HNRNPC: variants seen among roughly 807,000 people sequenced by gnomAD.
HNRNPC encodes heterogeneous nuclear ribonucleoproteins C1/C2.
In HNRNPC, 3 loss-of-function variants were observed where a neutral mutation model predicts 33.2. That is an observed-to-expected ratio of 0.09 (90% CI 0.04 to 0.23). The LOEUF is 0.23. Among genes scored for constraint, HNRNPC ranks in the 10% least tolerant of loss-of-function variants. HNRNPC has a pLI of 1.00. For missense variants in HNRNPC, 143 were observed against 366.7 expected, an observed-to-expected ratio of 0.39 and a Z score of 4.98; for synonymous variants, 121 against 126.7, an observed-to-expected ratio of 0.96 and a Z score of 0.30.
At chr14:21,260,504 C>T (rs182678218) in intron 2 of HNRNPC, among the ~76,000 whole-genome samples, 8 of 151,858 alleles carry the variant, frequency 5.3e-5, no homozygotes, top group African/African-American at 1.9e-4. Context: ...ACCATTTCTG[C>T]ATGCTTTCTT....
chr14:21,227,385 T>C (rs568474304), intron 5 of HNRNPC, among the ~76,000 whole-genome samples: 16 of 152,342 alleles, frequency 1.1e-4, no homozygotes, highest in African/African-American at 3.1e-4. Context: ...TATTACCTAG[T>C]TGCTCCACTA....
chr14:21,219,142 A>G (rs74514853), intron 5 of HNRNPC, among the ~76,000 whole-genome samples: 19,647 of 150,942 alleles, frequency 0.13, 1,737 homozygotes, highest in South Asian at 0.23. Context: ...AAGAAAGGGG[A>G]AAAAAAATTA....
chr14:21,232,246 G>C (rs934847281), intron 3 of HNRNPC, among the ~76,000 whole-genome samples: 1 of 152,092 alleles, frequency 6.6e-6, no homozygotes, highest in Admixed American at 6.5e-5. Flanking sequence ...TACCTTCCCA[G>C]TCATGCTACA....
At chr14:21,240,790 C>A (rs1895248422) in intron 2 of HNRNPC, among the ~76,000 whole-genome samples, 1 of 152,174 alleles carries the variant, frequency 6.6e-6, no homozygotes, top group East Asian at 1.9e-4. Flanking sequence ...CTGGCCACCT[C>A]TCCACATGGG....
intron 2 of HNRNPC, among the ~76,000 whole-genome samples, chr14:21,238,699 G>A (rs182214016): frequency 5.5e-4 from 83 of 151,920 alleles, no homozygotes; most frequent in African/African-American, 1.7e-3. Context: ...TAGTTGAAGG[G>A]GTCTAGAATT....
intron 5 of HNRNPC, among the ~76,000 whole-genome samples, chr14:21,217,052 TAGG>T (rs1457850926): frequency 6.6e-6 from 1 of 152,170 alleles, no homozygotes; most frequent in Non-Finnish European, 1.5e-5. Flanking sequence ...TGAACACAAT[TAGG>T]AGTCAAATTC....
chr14:21,216,068 C>CA (rs1285101046), intron 5 of HNRNPC, among the ~76,000 whole-genome samples: 3 of 145,142 alleles, frequency 2.1e-5, no homozygotes, highest in Non-Finnish European at 4.5e-5. Flanking sequence ...TGCAGACAGC[C>CA]ATTGCACTCC....
intron 2 of HNRNPC, among the ~76,000 whole-genome samples, chr14:21,252,941 C>T (rs923948341): frequency 3.3e-5 from 5 of 151,976 alleles, no homozygotes; most frequent in African/African-American, 9.7e-5. Flanking sequence ...TTTGGGAGGC[C>T]GAGGCCGGCA....
chr14:21,256,219 G>A (rs554810760), intron 2 of HNRNPC, among the ~76,000 whole-genome samples: 12 of 152,226 alleles, frequency 7.9e-5, no homozygotes, highest in Admixed American at 2.6e-4. Context: ...AGGCAGAGAC[G>A]GGCAGATCAC....
intron 2 of HNRNPC, among the ~76,000 whole-genome samples, chr14:21,240,129 T>A (rs1024170213): frequency 6.6e-6 from 1 of 152,114 alleles, no homozygotes; most frequent in Non-Finnish European, 1.5e-5. Flanking sequence ...ATATGCTCTA[T>A]CCTGAAGCAA....
chr14:21,251,058 G>A (rs779020340), intron 2 of HNRNPC, among the ~76,000 whole-genome samples: 3 of 151,738 alleles, frequency 2.0e-5, no homozygotes, highest in Non-Finnish European at 4.4e-5. Context: ...TCAGGAGATC[G>A]AGACCGTCCT....
At position 21,249,448 on chromosome 14, in the gene HNRNPC, G is replaced by A. The variant is rs1161521981; in HGVS notation, c.-37+13863C>T. Among the ~76,000 whole-genome samples, 3 of 151,568 alleles carry A rather than the reference G, an allele frequency of 2.0e-5. No homozygotes were observed. In the South Asian group the frequency reaches 6.2e-4, roughly 32 times the overall value. ...AAAAAAAAAAAAAAATTAGCCAGGT[G>A]TGGTGGCACGTGCCTGTAATCCCAG... On this transcript the variant is annotated intron_variant, in intron 2 of 8. Coordinates refer to ENST00000553300, the MANE Select transcript of HNRNPC (RefSeq NM_004500.4).
Position 21,251,036 on chromosome 14 carries a change from T to C in HNRNPC, c.-37+12275A>G, listed in dbSNP as rs1025438953. Among the ~76,000 whole-genome samples the C allele has an allele frequency of 6.6e-5, 10 of 151,368 alleles. No individual in the cohort carries two copies. The East Asian group carries it at 1.2e-3, about 18-fold the overall frequency. On this transcript the variant is annotated intron_variant, in intron 2 of 8. Coordinates refer to ENST00000553300, the MANE Select transcript of HNRNPC (RefSeq NM_004500.4). Reference sequence around the variant, plus strand: ...CAGCACTCTGGGAGGCCGAGGCGGGTAGATCACGAGGTCAGGAGATCGAGA... The same window carrying C: ...CAGCACTCTGGGAGGCCGAGGCGGGCAGATCACGAGGTCAGGAGATCGAGA...
At chr14:21,226,618 T>C (rs576698247) in intron 5 of HNRNPC, among the ~76,000 whole-genome samples, 2 of 152,144 alleles carry the variant, frequency 1.3e-5, no homozygotes, top group African/African-American at 4.8e-5. Flanking sequence ...GCACTTTGCG[T>C]GGCCAAGGCA....
rs144794194 is a variant in HNRNPC, at chr14:21,209,868, C to G, written c.*1355G>C. On this transcript the variant is annotated 3_prime_UTR_variant, in exon 9 of 9. Transcript: ENST00000553300. ...GATGAGGTATCACCAACACTGGTAG[C>G]TGTTTAATATATTCATCTTACAACT... The G allele has an allele frequency of 1.3e-5, 2 of 152,206 alleles. No individual in the cohort carries two copies. Among genetic ancestry groups the G allele is most frequent in the Non-Finnish European group, 2.9e-5 (2 of 68,040 alleles). 9.4% of individuals were successfully genotyped at this position (152,206 alleles called of 1,614,324 possible).
At chr14:21,260,878 G>A (rs888651643) in intron 2 of HNRNPC, among the ~76,000 whole-genome samples, 70 of 150,302 alleles carry the variant, frequency 4.7e-4, no homozygotes, top group African/African-American at 1.7e-3. Context: ...CAGGAGAATC[G>A]CTTGAACCCG....
At chr14:21,261,577 C>A (rs902384082) in intron 2 of HNRNPC, among the ~76,000 whole-genome samples, 4 of 152,088 alleles carry the variant, frequency 2.6e-5, no homozygotes, top group Non-Finnish European at 4.4e-5. Flanking sequence ...TACCCTAGTA[C>A]AACAGTACCG....
chr14:21,259,227 G>A (rs781410131), intron 2 of HNRNPC, among the ~76,000 whole-genome samples: 1 of 152,116 alleles, frequency 6.6e-6, no homozygotes, highest in Non-Finnish European at 1.5e-5. Context: ...TTCACCATTA[G>A]CTACTTCCAC....
intron 2 of HNRNPC, among the ~76,000 whole-genome samples, chr14:21,240,240 T>TA (rs1413387181): frequency 1.1e-4 from 16 of 152,104 alleles, no homozygotes; most frequent in Non-Finnish European, 2.2e-4. Flanking sequence ...AGCCACAGCT[T>TA]AAAAGCAAAA....
Sources: gnomAD v4.1 joint callset for allele counts (sites outside exome capture counted in the v4.1 genomes callset) on GRCh38, gnomAD v4.1.1 for gene constraint, MANE v1.5 for transcripts, NCBI Gene and HGNC (gene_info 2026-07-23, HGNC 2026-07-21) for gene names.